SLC27A2: variants seen among roughly 807,000 people sequenced by gnomAD.
SLC27A2 encodes the protein long-chain fatty acid transport protein 2.
SLC27A2 carries 54 observed loss-of-function variants against 60.0 expected under a neutral mutation model. That is an observed-to-expected ratio of 0.90 (90% CI 0.72 to 1.13). SLC27A2 has a LOEUF of 1.13. SLC27A2 is among the 50% of genes most tolerant of loss of function. SLC27A2 has a pLI of 0.00. For synonymous variants in SLC27A2, 297 were observed against 297.6 expected, an observed-to-expected ratio of 1.00 and a Z score of 0.02; for missense variants, 739 against 777.6, an observed-to-expected ratio of 0.95 and a Z score of 0.59.
chr15:50,218,300 A>G (rs1448255616), intron 4 of SLC27A2, among the ~76,000 whole-genome samples: 1 of 152,136 alleles, frequency 6.6e-6, no homozygotes, highest in African/African-American at 2.4e-5. Flanking sequence ...TGATGGTCAT[A>G]AAGGGAGAGT....
intron 6 of SLC27A2, 130 bp from the exon 7 acceptor site, chr15:50,226,850 A>G: frequency 1.5e-6 from 1 of 656,506 alleles, no homozygotes; most frequent in Non-Finnish European, 2.6e-6. Flanking sequence ...ACAGGTATAC[A>G]TGCATGGAAA....
chr15:50,234,489 G>A (rs758497191), intron 9 of SLC27A2, among the ~76,000 whole-genome samples: 7 of 151,162 alleles, frequency 4.6e-5, no homozygotes, highest in Non-Finnish European at 8.9e-5. Context: ...CGGGAGGCTG[G>A]GACAGGAGAA....
At chr15:50,189,443 T>C (rs967062545) in intron 1 of SLC27A2, among the ~76,000 whole-genome samples, 2 of 152,278 alleles carry the variant, frequency 1.3e-5, no homozygotes, top group African/African-American at 4.8e-5. Flanking sequence ...AGACACCAAA[T>C]GATTAATATA....
intron 2 of SLC27A2, among the ~76,000 whole-genome samples, chr15:50,200,716 A>T (rs531497071): frequency 2.6e-5 from 4 of 152,314 alleles, no homozygotes; most frequent in African/African-American, 9.6e-5. Flanking sequence ...CTGTTCTTCC[A>T]TGGGAAACAA....
intron 6 of SLC27A2, among the ~76,000 whole-genome samples, 157 bp from the exon 7 acceptor site, chr15:50,226,823 A>G (rs928945291): frequency 5.3e-5 from 8 of 152,238 alleles, no homozygotes; most frequent in Non-Finnish European, 1.0e-4. Flanking sequence ...TCTGTAATAT[A>G]TATGTACATA....
Position 50,202,533 on chromosome 15 carries a change from A to T in SLC27A2, c.735A>T (p.Gly245=). ...TCACTCATCAGCGCATATGGTATGG[A>T]ACTGGCCTCACTTTTGTAAGCGGAT... ...AMITHQRIWY[G]TGLTFVSGLK... is the part of the protein sequence containing the mutation. The change falls in exon 3 of 10, where the codon GGA becomes GGT. Residue 245 remains glycine, a synonymous_variant. Transcript: ENST00000267842. The T allele has an allele frequency of 6.2e-7, 1 of 1,614,192 alleles. No homozygotes were observed. Among genetic ancestry groups the T allele is most frequent in the Non-Finnish European group, 8.5e-7 (1 of 1,180,014 alleles).
intron 1 of SLC27A2, among the ~76,000 whole-genome samples, chr15:50,186,452 T>C (rs1181705694): frequency 7.0e-6 from 1 of 142,434 alleles, no homozygotes; most frequent in Non-Finnish European, 1.6e-5. Flanking sequence ...TGTTTGTTTG[T>C]TTTTGAGACA....
At chr15:50,214,269 C>T (rs1277972662) in intron 4 of SLC27A2, among the ~76,000 whole-genome samples, 2 of 151,604 alleles carry the variant, frequency 1.3e-5, no homozygotes, top group Middle Eastern at 6.8e-3. Flanking sequence ...CAGATTAAAT[C>T]AGAATTAGAT....
intron 3 of SLC27A2, among the ~76,000 whole-genome samples, chr15:50,204,710 G>A (rs572236652): frequency 2.0e-5 from 3 of 151,636 alleles, no homozygotes; most frequent in South Asian, 2.1e-4. Context: ...TCCAGCCTGG[G>A]TGACAGAGCG....
At chr15:50,235,645 A>G (rs772786579) in intron 9 of SLC27A2, among the ~76,000 whole-genome samples, 4 of 152,280 alleles carry the variant, frequency 2.6e-5, no homozygotes, top group Non-Finnish European at 4.4e-5. Context: ...TGATATCTAT[A>G]TGAAGTAATC....
At position 50,205,269 on chromosome 15, in the gene SLC27A2, C is replaced by T. The variant is rs1595685520; in HGVS notation, c.878C>T (p.Ser293Leu). ...ACTCTTGCCTTGCGGACTAAATTTT[C>T]AGCCAGCCAGTTTTGGGATGACTGC... ...GATLALRTKF[S>L]ASQFWDDCRK... Residue 293 changes from serine to leucine, a missense_variant, in exon 4 of 10, where the codon TCA becomes TTA. Ser to Leu is a moderately radical substitution (Grantham distance 145). Coordinates refer to ENST00000267842, the MANE Select transcript of SLC27A2 (RefSeq NM_003645.4). 1 of 1,607,324 alleles carries T rather than the reference C, an allele frequency of 6.2e-7. No individual in the cohort carries two copies. The highest frequency in any genetic ancestry group is 8.5e-7 in the Non-Finnish European group (1 of 1,175,766).
intron 4 of SLC27A2, among the ~76,000 whole-genome samples, chr15:50,210,891 GACTCA>G (rs2045149748): frequency 6.6e-6 from 1 of 152,144 alleles, no homozygotes. Context: ...CAACCTGCAT[GACTCA>G]GCAGAGACAG....
At chr15:50,233,051 G>A (rs1205702049) in intron 8 of SLC27A2, among the ~76,000 whole-genome samples, 1 of 152,154 alleles carries the variant, frequency 6.6e-6, no homozygotes, top group African/African-American at 2.4e-5. Context: ...CAAGAAGGCA[G>A]TGGTAATTGT....
chr15:50,230,610 G>A (rs1291517054), intron 8 of SLC27A2, among the ~76,000 whole-genome samples: 1 of 152,264 alleles, frequency 6.6e-6, no homozygotes, highest in South Asian at 2.1e-4. Context: ...ACAATGACAC[G>A]AGGGGAAATA....
At position 50,234,009 on chromosome 15, in the gene SLC27A2, T is replaced by C; in HGVS notation, c.1686+11T>C. ...TTTCTAAGAATACAGGTGAGATCTCTTATTATCCAGTTCAATGATCTGTCC... is the reference window on the plus strand; with the variant it reads ...TTTCTAAGAATACAGGTGAGATCTCCTATTATCCAGTTCAATGATCTGTCC... On this transcript the variant is annotated intron_variant, in intron 9 of 9. Coordinates refer to ENST00000267842, the MANE Select transcript of SLC27A2 (RefSeq NM_003645.4). 1 of 1,598,156 alleles carries C rather than the reference T, an allele frequency of 6.3e-7. No homozygotes were observed. Among genetic ancestry groups the C allele is most frequent in the Non-Finnish European group, 8.5e-7 (1 of 1,170,882 alleles).
chr15:50,207,777 A>G (rs796226238), intron 4 of SLC27A2, among the ~76,000 whole-genome samples: 5 of 151,174 alleles, frequency 3.3e-5, no homozygotes, highest in African/African-American at 1.2e-4. Context: ...GCGACAGAAC[A>G]AGACCCTGTC....
At chr15:50,184,567 G>T (rs987432968) in intron 1 of SLC27A2, among the ~76,000 whole-genome samples, 2 of 152,148 alleles carry the variant, frequency 1.3e-5, no homozygotes, top group African/African-American at 4.8e-5. Context: ...TGGGCGCAGT[G>T]GCTCAAGCCT....
At chr15:50,199,966 G>T (rs910923510) in intron 2 of SLC27A2, among the ~76,000 whole-genome samples, 11 of 152,168 alleles carry the variant, frequency 7.2e-5, no homozygotes, top group African/African-American at 2.4e-4. Context: ...TTAATTAAAA[G>T]AATTTGTTTA....
chr15:50,182,281 C>G lies in SLC27A2; in HGVS notation c.-147C>G. The G allele has an allele frequency of 4.0e-6, 5 of 1,244,230 alleles. No homozygotes were observed. The highest frequency in any genetic ancestry group is 5.1e-6 in the Non-Finnish European group (5 of 975,976). The allele number at this position is 1,244,230 out of a possible 1,614,324, so 77.1% of individuals were successfully genotyped here. ...GGTACCTGCAGCGGAGGAGCTCTGT[C>G]TTCCCCTTCATCTCACGCGAGCCCG... is the stretch of plus-strand genomic sequence containing the variant. On this transcript the variant is annotated 5_prime_UTR_variant, in exon 1 of 10. Transcript: ENST00000267842.
Sources: gnomAD v4.1 joint callset for allele counts (sites outside exome capture counted in the v4.1 genomes callset) on GRCh38, gnomAD v4.1.1 for gene constraint, MANE v1.5 for transcripts, NCBI Gene and HGNC (gene_info 2026-07-23, HGNC 2026-07-21) for gene names.